SCAI: variants seen among roughly 807,000 people sequenced by gnomAD.
The protein encoded by SCAI is protein SCAI.
Under a neutral mutation model 92.2 loss-of-function variants are expected in SCAI, and 24 were observed. That is an observed-to-expected ratio of 0.26 (90% CI 0.19 to 0.37). The LOEUF is 0.37. Ranked by LOEUF, SCAI falls within the 10% of genes least tolerant of loss-of-function variation. SCAI has a pLI of 1.00. For missense variants in SCAI, 450 were observed against 736.2 expected (o/e 0.61, Z 4.50); for synonymous variants, 261 against 258.6 (o/e 1.01, Z -0.09).
rs529646105 is a variant in SCAI at position 125,049,533 on chromosome 9, G to A, written c.230+6343C>T. 9.2e-5 allele frequency among the ~76,000 whole-genome samples: 14 copies of A among 152,240 alleles called. No individual in the cohort carries two copies. In the South Asian group the frequency reaches 2.3e-3, roughly 25 times the overall value. On this transcript the variant is annotated intron_variant, in intron 3 of 17. Transcript: ENST00000336505. ...ACTACATGCAAGAGCCATTATATGC[G>A]AAACATCATTCATTTCATCCAATTC...
intron 11 of SCAI, among the ~76,000 whole-genome samples, chr9:125,002,766 G>A (rs1832388914): frequency 6.6e-6 from 1 of 151,732 alleles, no homozygotes; most frequent in Non-Finnish European, 1.5e-5. Flanking sequence ...TTACAGGAGT[G>A]AGCCACCACG....
chr9:125,072,119 G>T (rs1833990349), intron 2 of SCAI, among the ~76,000 whole-genome samples: 1 of 151,882 alleles, frequency 6.6e-6, no homozygotes, highest in South Asian at 2.1e-4. Flanking sequence ...TGCCTCCCAG[G>T]TTCAAGCGGT....
At chr9:125,019,244 C>A (rs984611788) in intron 7 of SCAI, 39 bp from the exon 8 acceptor site, 2 of 1,179,504 alleles carry the variant, frequency 1.7e-6, no homozygotes, top group Non-Finnish European at 2.4e-6. Context: ...TATTAAAAAA[C>A]CCATAAAAAC....
intron 2 of SCAI, among the ~76,000 whole-genome samples, chr9:125,106,910 T>C (rs1014833885): frequency 6.7e-6 from 1 of 149,078 alleles, no homozygotes; most frequent in Non-Finnish European, 1.5e-5. Flanking sequence ...CATCAGAGTC[T>C]CATTATGTTG....
At chr9:124,955,674 C>G (rs1479174208) in intron 17 of SCAI, among the ~76,000 whole-genome samples, 1 of 149,312 alleles carries the variant, frequency 6.7e-6, no homozygotes, top group African/African-American at 2.5e-5. Flanking sequence ...AAAAAAGAAA[C>G]AAACGGTAGT....
chr9:125,105,405 C>A (rs1308417552), intron 2 of SCAI, among the ~76,000 whole-genome samples: 1 of 152,238 alleles, frequency 6.6e-6, no homozygotes, highest in African/African-American at 2.4e-5. Flanking sequence ...TGATACTGGG[C>A]AAACTATCTG....
At chr9:124,955,243 TA>T (rs1439197896) in intron 17 of SCAI, among the ~76,000 whole-genome samples, 1 of 150,802 alleles carries the variant, frequency 6.6e-6, no homozygotes, top group African/African-American at 2.4e-5. Flanking sequence ...TAAAACACTA[TA>T]ATATATATTA....
intron 3 of SCAI, among the ~76,000 whole-genome samples, chr9:125,035,315 A>G (rs1307033729): frequency 1.3e-5 from 2 of 152,180 alleles, no homozygotes; most frequent in Non-Finnish European, 2.9e-5. Flanking sequence ...TGATCATACC[A>G]CTGCGCTCCA....
chr9:124,977,146 G>C (rs1458868028), intron 14 of SCAI, among the ~76,000 whole-genome samples: 2 of 152,112 alleles, frequency 1.3e-5, no homozygotes, highest in African/African-American at 4.8e-5. Context: ...TGGGATTACA[G>C]GCATGAGCCA....
At chr9:124,990,808 G>C (rs976942489) in intron 14 of SCAI, among the ~76,000 whole-genome samples, 1 of 152,138 alleles carries the variant, frequency 6.6e-6, no homozygotes, top group Non-Finnish European at 1.5e-5. Flanking sequence ...GCAACAAAAA[G>C]TGGGAGACTG....
intron 14 of SCAI, among the ~76,000 whole-genome samples, chr9:124,987,186 G>C (rs1468541829): frequency 1.3e-5 from 2 of 152,168 alleles, no homozygotes; most frequent in African/African-American, 4.8e-5. Context: ...ACCATGCCTA[G>C]CTAATTTTTG....
chr9:124,991,005 A>G (rs987374478), intron 14 of SCAI, among the ~76,000 whole-genome samples: 3 of 152,232 alleles, frequency 2.0e-5, no homozygotes, highest in Non-Finnish European at 2.9e-5. Context: ...TTTCTGATGC[A>G]CAGAAATAGT....
chr9:125,043,805 C>T (rs547345542), intron 3 of SCAI, among the ~76,000 whole-genome samples: 9 of 152,066 alleles, frequency 5.9e-5, no homozygotes, highest in Non-Finnish European at 1.0e-4. Flanking sequence ...GCAGGGATGC[C>T]GACTGCAGTG....
At chr9:124,999,455 C>G (rs1832314041) in intron 13 of SCAI, among the ~76,000 whole-genome samples, 1 of 151,826 alleles carries the variant, frequency 6.6e-6, no homozygotes, top group Non-Finnish European at 1.5e-5. Flanking sequence ...CTTTGTGAAG[C>G]TGAGGTGGGA....
At chr9:125,082,176 A>C (rs1834234782) in intron 2 of SCAI, among the ~76,000 whole-genome samples, 2 of 152,212 alleles carry the variant, frequency 1.3e-5, no homozygotes, top group African/African-American at 4.8e-5. Flanking sequence ...CCTGCATCCC[A>C]GACACCCCAG....
At chr9:124,953,023 G>A (rs762238229) in intron 17 of SCAI, 70 bp from the exon 18 acceptor site, 44 of 1,208,146 alleles carry the variant, frequency 3.6e-5, no homozygotes, top group East Asian at 7.0e-5. Context: ...ATTGATAACA[G>A]TGTCAAGGAG....
chr9:124,970,517 G>A (rs1020275927), intron 17 of SCAI, among the ~76,000 whole-genome samples: 10 of 151,988 alleles, frequency 6.6e-5, no homozygotes, highest in African/African-American at 2.4e-4. Context: ...TCAGGAGATC[G>A]AGACCAGCCT....
At chr9:125,113,006 A>C (rs1834961280) in intron 2 of SCAI, among the ~76,000 whole-genome samples, 1 of 152,246 alleles carries the variant, frequency 6.6e-6, no homozygotes, top group South Asian at 2.1e-4. Flanking sequence ...TAAATATATG[A>C]CTGAATACAC....
Position 124,952,754 on chromosome 9 carries a change from C to T in SCAI, c.*53G>A, listed in dbSNP as rs1016837686. 4.0e-6 allele frequency: 6 copies of T among 1,494,698 alleles called. No homozygotes were observed. In the East Asian group the frequency reaches 9.1e-5, roughly 23 times the overall value. The allele number at this position is 1,494,698 out of a possible 1,614,324, so 92.6% of individuals were successfully genotyped here. A position where few individuals can be genotyped will look rare whatever the true frequency, so the allele number is the denominator to read the frequency against. On this transcript the variant is annotated 3_prime_UTR_variant, in exon 18 of 18. Coordinates refer to ENST00000336505, the MANE Select transcript of SCAI (RefSeq NM_001144877.3). ...TGTCTTATCACGTTAGAAAACTGCACCATTTAAAATTTGTGGAAAATGAAA... is the reference window on the plus strand; with the variant it reads ...TGTCTTATCACGTTAGAAAACTGCATCATTTAAAATTTGTGGAAAATGAAA...
Sources: allele counts gnomAD v4.1 joint callset (sites outside exome capture counted in the v4.1 genomes callset), GRCh38; gene constraint gnomAD v4.1.1; transcripts MANE v1.5; gene names NCBI Gene and HGNC (gene_info 2026-07-23, HGNC 2026-07-21).